Variants in DCAF6 observed in about 807,000 individuals in gnomAD.
DCAF6 encodes DDB1- and CUL4-associated factor 6.
A neutral mutation model predicts 125.1 loss-of-function variants in DCAF6; 54 were observed. The ratio of observed to expected loss-of-function variants is 0.43; its 90% CI spans 0.35 to 0.54. The LOEUF (loss-of-function observed/expected upper bound fraction) is 0.54, where lower values mean the gene tolerates loss of function less well. Among genes scored for constraint, DCAF6 ranks in the 20% least tolerant of loss-of-function variants. The probability of loss-of-function intolerance (pLI) is 0.01; values close to 1 mark genes in which losing one functional copy is unlikely to be tolerated. For missense variants in DCAF6, 934 were observed against 1,161.7 expected (o/e 0.80, Z 2.85); for synonymous variants, 371 against 390.4 (o/e 0.95, Z 0.58).
At chr1:168,033,998 T>C (rs1265390398) in intron 12 of DCAF6, among the ~76,000 whole-genome samples, 1 of 152,204 alleles carries the variant, frequency 6.6e-6, no homozygotes, top group Non-Finnish European at 1.5e-5. Flanking sequence ...TAAAAGAAGA[T>C]ACAACATAGT....
chr1:167,901,476 C>A, the DCAF6 span, among the ~76,000 whole-genome samples: 1 of 152,004 alleles, frequency 6.6e-6, no homozygotes, highest in Admixed American at 6.5e-5. Context: ...TATGATTAAC[C>A]CAAATTCTCT....
At chr1:167,933,025 C>T (rs1670955359), upstream of DCAF6, among the ~76,000 whole-genome samples, 1 of 152,018 alleles carries the variant, frequency 6.6e-6, no homozygotes, top group African/African-American at 2.4e-5. Flanking sequence ...GGCTAGAACT[C>T]TATTCCTTCT....
chr1:167,882,135 C>T, the DCAF6 span, among the ~76,000 whole-genome samples: 17 of 152,314 alleles, frequency 1.1e-4, no homozygotes, highest in Middle Eastern at 3.4e-3. Flanking sequence ...AATCAATTCT[C>T]ACATATGCAT....
At position 167,936,859 on chromosome 1, in the gene DCAF6, T is replaced by G; in HGVS notation, c.-53T>G. ...TGTTGAAACGGGTGTCCCCTCCCCC[T>G]CCTCCCCTCCCCCACGCGGTGGTCT... is the stretch of plus-strand genomic sequence containing the variant. On this transcript the variant is annotated 5_prime_UTR_variant, in exon 1 of 22. Coordinates refer to ENST00000367840, the MANE Select transcript of DCAF6 (RefSeq NM_001198956.2). The G allele has an allele frequency of 1.3e-6, 1 of 771,100 alleles. No individual in the cohort carries two copies. The highest frequency in any genetic ancestry group is 2.1e-6 in the Non-Finnish European group (1 of 466,740). 47.8% of individuals were successfully genotyped at this position (771,100 alleles called of 1,614,324 possible).
intron 1 of DCAF6, among the ~76,000 whole-genome samples, chr1:167,941,528 C>G (rs1672234505): frequency 6.6e-6 from 1 of 152,076 alleles, no homozygotes; most frequent in Admixed American, 6.5e-5. Flanking sequence ...AAAGGATTCT[C>G]TAGGTGTATA....
At chr1:167,880,587 A>T in the DCAF6 span, 1 of 1,613,988 alleles carries the variant, frequency 6.2e-7, no homozygotes. Context: ...AGGGAAGCCA[A>T]AGACACAGAG....
At chr1:167,871,995 T>C in the DCAF6 span, among the ~76,000 whole-genome samples, 1 of 152,182 alleles carries the variant, frequency 6.6e-6, no homozygotes, top group Admixed American at 6.5e-5. Context: ...CGTTGTGCAT[T>C]GTGTACCCTA....
At chr1:168,063,049 C>G (rs1164211277) in intron 17 of DCAF6, among the ~76,000 whole-genome samples, 2 of 151,836 alleles carry the variant, frequency 1.3e-5, no homozygotes, top group African/African-American at 4.8e-5. Context: ...GTAGCTGGGA[C>G]TATAGGCGCC....
intron 1 of DCAF6, among the ~76,000 whole-genome samples, chr1:167,940,989 A>G (rs1056568058): frequency 2.4e-4 from 36 of 152,026 alleles, no homozygotes; most frequent in African/African-American, 8.5e-4. Context: ...GAAATGGATA[A>G]TTTTGCGTGT....
chr1:167,979,958 G>A (rs567399083), intron 4 of DCAF6, among the ~76,000 whole-genome samples: 15 of 151,994 alleles, frequency 9.9e-5, no homozygotes, highest in Non-Finnish European at 1.6e-4. Context: ...TGAGGAGGGC[G>A]GATCACGAGG....
intron 1 of DCAF6, among the ~76,000 whole-genome samples, chr1:167,946,550 G>T (rs1346753335): frequency 2.0e-5 from 3 of 152,004 alleles, no homozygotes; most frequent in Admixed American, 2.0e-4. Flanking sequence ...ATCTTTCTGT[G>T]CCTAGTTTAC....
intron 4 of DCAF6, among the ~76,000 whole-genome samples, chr1:167,975,568 T>C (rs1266895469): frequency 6.6e-6 from 1 of 152,188 alleles, no homozygotes; most frequent in Admixed American, 6.5e-5. Context: ...TTATTTATGA[T>C]ACAGGGTCAC....
At chr1:167,932,988 T>G (rs191935989), upstream of DCAF6, among the ~76,000 whole-genome samples, 20 of 152,084 alleles carry the variant, frequency 1.3e-4, no homozygotes, top group East Asian at 3.7e-3. Flanking sequence ...TTTTGTGAGT[T>G]GAGGAACTTG....
At chr1:167,956,122 G>C (rs1253262507) in intron 2 of DCAF6, among the ~76,000 whole-genome samples, 6 of 151,924 alleles carry the variant, frequency 3.9e-5, no homozygotes, top group African/African-American at 1.2e-4. Flanking sequence ...ATGGATGCTT[G>C]TTGTCAGGTT....
chr1:167,936,076 G>A, upstream of DCAF6: 1 of 570,862 alleles, frequency 1.8e-6, no homozygotes, highest in East Asian at 3.0e-5. Flanking sequence ...TCCGCCTCCG[G>A]CCCCCGGCAG....
At chr1:167,989,344 C>A (rs1409454361) in intron 5 of DCAF6, among the ~76,000 whole-genome samples, 1 of 152,014 alleles carries the variant, frequency 6.6e-6, no homozygotes, top group African/African-American at 2.4e-5. Flanking sequence ...CTAAACAAAA[C>A]CCCCAGGAAA....
the DCAF6 span, among the ~76,000 whole-genome samples, chr1:167,902,899 A>G: frequency 2.0e-5 from 3 of 152,362 alleles, no homozygotes; most frequent in South Asian, 2.1e-4. Flanking sequence ...TAAATCATTT[A>G]TCTACTCATA....
Position 168,029,471 on chromosome 1 carries a change from A to G in DCAF6, c.1609+6424A>G, listed in dbSNP as rs1686768947. Among the ~76,000 whole-genome samples the G allele has an allele frequency of 2.6e-5, 4 of 152,322 alleles. No homozygotes were observed. In the South Asian group the frequency reaches 8.3e-4, roughly 32 times the overall value. ...GTACTAGGGTGCATGAATAAATAAC[A>G]CTACTGTCTTCTGTACTGGGAGCAT... is the stretch of plus-strand genomic sequence containing the variant. On this transcript the variant is annotated intron_variant, in intron 12 of 21. Transcript: ENST00000367840.
At chr1:168,019,496 C>T (rs961442742) in intron 11 of DCAF6, 1 of 445,686 alleles carries the variant, frequency 2.2e-6, no homozygotes, top group Non-Finnish European at 4.5e-6. Flanking sequence ...ATGGCAGAGG[C>T]ATTCAGCATA....
Sources: gnomAD v4.1 joint callset for allele counts (sites outside exome capture counted in the v4.1 genomes callset) on GRCh38, gnomAD v4.1.1 for gene constraint, MANE v1.5 for transcripts, NCBI Gene and HGNC (gene_info 2026-07-23, HGNC 2026-07-21) for gene names.